The following ARHGAP25 variants were observed in gnomAD, a reference collection of about 807,000 sequenced individuals.
ARHGAP25 encodes the protein Rho GTPase activating protein 25.
ARHGAP25 carries 34 observed loss-of-function variants against 71.0 expected under a neutral mutation model. That is an observed-to-expected ratio of 0.48 (90% confidence interval 0.36 to 0.64). The LOEUF is 0.64. Ranked by LOEUF, ARHGAP25 falls within the 30% of genes least tolerant of loss-of-function variation. The pLI, the probability that ARHGAP25 is intolerant of heterozygous loss-of-function variation, is 0.00. For missense variants in ARHGAP25, 706 were observed against 805.1 expected (o/e 0.88, Z 1.49); for synonymous variants, 282 against 296.5 (o/e 0.95, Z 0.50).
At chr2:68,818,548 G>A (rs1204753868) in intron 8 of ARHGAP25, among the ~76,000 whole-genome samples, 2 of 152,146 alleles carry the variant, frequency 1.3e-5, no homozygotes, top group Non-Finnish European at 2.9e-5. Flanking sequence ...GGCTGGTCTC[G>A]AACTCCTGAC....
intron 4 of ARHGAP25, among the ~76,000 whole-genome samples, chr2:68,803,895 C>T (rs944972894): frequency 6.6e-6 from 1 of 151,968 alleles, no homozygotes; most frequent in Non-Finnish European, 1.5e-5. Flanking sequence ...ACAGGAGTGG[C>T]AAAAATTTGG....
chr2:68,813,006 C>T lies in ARHGAP25; in HGVS notation c.675-281C>T, dbSNP rs564429647. The stretch of plus-strand genomic sequence containing the variant: ...TGAAGAAAGAAGAAAGCAATAAAGA[C>T]GAAAATCATTAAGGAACGTTTAGTA... On this transcript the variant is annotated intron_variant, in intron 5 of 10. Transcript: ENST00000409202. Among the ~76,000 whole-genome samples, 175 of 152,206 alleles carry T rather than the reference C, an allele frequency of 1.1e-3. No homozygotes were observed. In the Middle Eastern group the frequency reaches 0.02, roughly 18 times the overall value.
intron 2 of ARHGAP25, among the ~76,000 whole-genome samples, chr2:68,779,011 A>C (rs1291023121): frequency 6.6e-6 from 1 of 152,226 alleles, no homozygotes. Context: ...AAATTGTTTC[A>C]AACAGAATCT....
intron 2 of ARHGAP25, among the ~76,000 whole-genome samples, chr2:68,776,221 G>A (rs1677903049): frequency 6.6e-6 from 1 of 152,212 alleles, no homozygotes; most frequent in South Asian, 2.1e-4. Flanking sequence ...AATCAGAGGG[G>A]ATGAGGTCTG....
chr2:68,822,253 T>G, intron 9 of ARHGAP25, 87 bp from the exon 10 acceptor site: 1 of 1,335,268 alleles, frequency 7.5e-7, no homozygotes, highest in Non-Finnish European at 1.0e-6. Context: ...AGGAAACTTT[T>G]GTTTTGGGGT....
chr2:68,818,895 T>A (rs1681428335), intron 8 of ARHGAP25, among the ~76,000 whole-genome samples: 1 of 152,284 alleles, frequency 6.6e-6, no homozygotes, highest in Admixed American at 6.5e-5. Flanking sequence ...TGGCTCCCTC[T>A]GAAACAGCTC....
At chr2:68,729,714 T>C (rs1188216026) in intron 2 of ARHGAP25, among the ~76,000 whole-genome samples, 1 of 152,264 alleles carries the variant, frequency 6.6e-6, no homozygotes, top group African/African-American at 2.4e-5. Flanking sequence ...AACTTTTTCA[T>C]GTTTGTTCTT....
intron 2 of ARHGAP25, among the ~76,000 whole-genome samples, chr2:68,724,217 T>C (rs1416881487): frequency 6.6e-6 from 1 of 152,068 alleles, no homozygotes; most frequent in Non-Finnish European, 1.5e-5. Flanking sequence ...GGAGAAAGCC[T>C]CAGTCTCTCC....
intron 4 of ARHGAP25, among the ~76,000 whole-genome samples, chr2:68,792,874 T>C (rs1679282080): frequency 6.6e-6 from 1 of 152,234 alleles, no homozygotes; most frequent in Non-Finnish European, 1.5e-5. Context: ...GAGGTTGAGC[T>C]AATTTGCATT....
intron 1 of ARHGAP25, among the ~76,000 whole-genome samples, chr2:68,751,730 T>C (rs1573433745): frequency 6.6e-6 from 1 of 152,362 alleles, no homozygotes; most frequent in African/African-American, 2.4e-5. Flanking sequence ...AACCATTGCT[T>C]TATGTTTCCA....
chr2:68,820,244 G>A (rs1169333897), intron 9 of ARHGAP25, among the ~76,000 whole-genome samples: 1 of 152,216 alleles, frequency 6.6e-6, no homozygotes, highest in Non-Finnish European at 1.5e-5. Context: ...ATAGGTTTCT[G>A]CCATTTACTG....
intron 2 of ARHGAP25, among the ~76,000 whole-genome samples, chr2:68,780,482 A>T (rs1268329174): frequency 6.6e-6 from 1 of 152,170 alleles, no homozygotes; most frequent in African/African-American, 2.4e-5. Flanking sequence ...TGATTTATTA[A>T]AGATGGTGAG....
chr2:68,799,124 G>A (rs1679778289), intron 4 of ARHGAP25, among the ~76,000 whole-genome samples: 1 of 152,178 alleles, frequency 6.6e-6, no homozygotes, highest in South Asian at 2.1e-4. Context: ...AAAGCAAACA[G>A]GTTTGCACAA....
Position 68,782,330 on chromosome 2 carries a change from C to G in ARHGAP25, c.349+10C>G, listed in dbSNP as rs775340651. The G allele has an allele frequency of 2.5e-6, 4 of 1,613,302 alleles. No individual in the cohort carries two copies. Among genetic ancestry groups the G allele is most frequent in the African/African-American group, 1.3e-5 (1 of 74,886 alleles). The stretch of plus-strand genomic sequence containing the variant: ...TTTGAAATCATTCCAGGTAGGCCAC[C>G]ACAGGTAGGACAGAGGTGCAGTGCA... On this transcript the variant is annotated intron_variant, in intron 3 of 10. Transcript: ENST00000409202.
chr2:68,824,517 T>C (rs1302057246), intron 10 of ARHGAP25, among the ~76,000 whole-genome samples: 1 of 151,998 alleles, frequency 6.6e-6, no homozygotes, highest in East Asian at 1.9e-4. Flanking sequence ...CCAAGGTGGG[T>C]GAATCACGAG....
chr2:68,787,790 T>C, intron 3 of ARHGAP25, 50 bp from the exon 4 acceptor site: 3 of 1,492,242 alleles, frequency 2.0e-6, no homozygotes, highest in Non-Finnish European at 9.4e-7. Flanking sequence ...CCCCTTGCTC[T>C]CATGTTCTTA....
intron 2 of ARHGAP25, among the ~76,000 whole-genome samples, chr2:68,712,505 T>C (rs1326438538): frequency 6.6e-6 from 1 of 152,230 alleles, no homozygotes; most frequent in Admixed American, 6.5e-5. Flanking sequence ...AGAAGCTCTT[T>C]AGTTTAATTA....
At chr2:68,729,200 T>C (rs1251946583) in intron 2 of ARHGAP25, among the ~76,000 whole-genome samples, 1 of 152,224 alleles carries the variant, frequency 6.6e-6, no homozygotes, top group African/African-American at 2.4e-5. Context: ...CAACTCTGAA[T>C]GTACTAGATC....
intron 4 of ARHGAP25, among the ~76,000 whole-genome samples, chr2:68,798,043 T>A (rs1679695163): frequency 6.6e-6 from 1 of 152,258 alleles, no homozygotes; most frequent in Non-Finnish European, 1.5e-5. Context: ...GTCTGCACAC[T>A]TGCTTGGTTT....
Sources: gnomAD v4.1 joint callset for allele counts (sites outside exome capture counted in the v4.1 genomes callset) on GRCh38, gnomAD v4.1.1 for gene constraint, MANE v1.5 for transcripts, NCBI Gene and HGNC (gene_info 2026-07-23, HGNC 2026-07-21) for gene names.